Variants in KIAA1217 observed in about 807,000 individuals in gnomAD.
The protein encoded by KIAA1217 is sickle tail protein homolog.
Under a neutral mutation model 163.9 loss-of-function variants are expected in KIAA1217, and 88 were observed. The ratio of observed to expected loss-of-function variants is 0.54; its 90% CI spans 0.45 to 0.64. The LOEUF is 0.64. KIAA1217 is among the 30% of genes least tolerant of loss of function. The pLI, the probability that KIAA1217 is intolerant of heterozygous loss-of-function variation, is 0.00. For synonymous variants in KIAA1217, 903 were observed against 923.1 expected, an observed-to-expected ratio of 0.98 and a Z score of 0.39; for missense variants, 2,372 against 2,475.0, an observed-to-expected ratio of 0.96 and a Z score of 0.88.
At position 24,113,158 on chromosome 10, in the gene KIAA1217, G is replaced by A. The variant is rs995335339; in HGVS notation, c.-171+105784G>A. On this transcript the variant is annotated intron_variant, in intron 2 of 18. Coordinates refer to the KIAA1217 transcript ENST00000376462. ...GTAGCCAGGGATAACCCCTAGACCC[G>A]GACATACAGCTTGATCATATTCTAC... 2.6e-5 allele frequency among the ~76,000 whole-genome samples: 4 copies of A among 152,040 alleles called. 1 individual carries two copies. The highest frequency in any genetic ancestry group is 4.2e-4 in the South Asian group (2 of 4,816).
At chr10:23,763,912 T>TA (rs2130863292) in intron 1 of KIAA1217, among the ~76,000 whole-genome samples, 1 of 152,100 alleles carries the variant, frequency 6.6e-6, no homozygotes, top group African/African-American at 2.4e-5. Flanking sequence ...GAAAGTCATT[T>TA]AAAAAAGCCA....
At position 23,800,470 on chromosome 10, in the gene KIAA1217, C is replaced by T. The variant is rs149821019; in HGVS notation, c.-321+105236C>T. Among the ~76,000 whole-genome samples the T allele has an allele frequency of 6.6e-3, 1,002 of 152,204 alleles. 5 individuals are homozygous for T. Among genetic ancestry groups the T allele is most frequent in the African/African-American group, 0.023 (956 of 41,516 alleles). ...TCTCAGTGGTCACACCATTCATCTC[C>T]AAATGCCTGGGTTCTGTAAGATAAT... On this transcript the variant is annotated intron_variant, in intron 1 of 18. Coordinates refer to the KIAA1217 transcript ENST00000376462.
intron 1 of KIAA1217, among the ~76,000 whole-genome samples, chr10:23,796,585 A>G (rs1836218040): frequency 6.6e-6 from 1 of 151,526 alleles, no homozygotes; most frequent in South Asian, 2.1e-4. Context: ...ATGGTCTTAA[A>G]CTCCTGACTT....
chr10:24,078,848 A>G (rs902393510), intron 2 of KIAA1217, among the ~76,000 whole-genome samples: 1 of 152,144 alleles, frequency 6.6e-6, no homozygotes, highest in East Asian at 1.9e-4. Flanking sequence ...CCTGTGTCCT[A>G]TGGGCAATGC....
chr10:24,273,002 C>T (rs1475852175), intron 2 of KIAA1217, among the ~76,000 whole-genome samples: 1 of 152,160 alleles, frequency 6.6e-6, no homozygotes, highest in Non-Finnish European at 1.5e-5. Flanking sequence ...AAAGTCTGTG[C>T]CCTTCTGCGC....
chr10:23,802,783 G>T (rs1836533312), intron 1 of KIAA1217, among the ~76,000 whole-genome samples: 3 of 152,192 alleles, frequency 2.0e-5, no homozygotes, highest in Admixed American at 2.0e-4. Context: ...AACCTAAAGT[G>T]TTGGGACACT....
intron 3 of KIAA1217, among the ~76,000 whole-genome samples, chr10:24,388,207 A>T (rs1476019531): frequency 1.3e-5 from 2 of 152,224 alleles, no homozygotes; most frequent in Admixed American, 1.3e-4. Context: ...CAAAACAGAG[A>T]TACAGACCAA....
chr10:23,839,713 A>T (rs982211272), intron 1 of KIAA1217, among the ~76,000 whole-genome samples: 3 of 152,124 alleles, frequency 2.0e-5, no homozygotes, highest in Non-Finnish European at 4.4e-5. Flanking sequence ...GGTGCAAGAA[A>T]AACTATCGCC....
chr10:23,862,667 G>C (rs1416356014), intron 1 of KIAA1217, among the ~76,000 whole-genome samples: 1 of 151,958 alleles, frequency 6.6e-6, no homozygotes, highest in Non-Finnish European at 1.5e-5. Context: ...TAAATTACTG[G>C]AGAACAAAAT....
chr10:24,052,116 C>A (rs1162474148), intron 2 of KIAA1217, among the ~76,000 whole-genome samples: 2 of 152,106 alleles, frequency 1.3e-5, no homozygotes, highest in South Asian at 2.1e-4. Flanking sequence ...TTGCTACTTG[C>A]GTACTCCAAG....
At chr10:24,459,975 C>G (rs886974988) in intron 5 of KIAA1217, among the ~76,000 whole-genome samples, 5 of 152,082 alleles carry the variant, frequency 3.3e-5, no homozygotes, top group Non-Finnish European at 7.4e-5. Context: ...ATGTTAACAC[C>G]TGGACCAAAA....
chr10:24,487,781 C>CCCCAA (rs1310747457), intron 6 of KIAA1217, among the ~76,000 whole-genome samples: 1 of 152,152 alleles, frequency 6.6e-6, no homozygotes, highest in Non-Finnish European at 1.5e-5. Flanking sequence ...AGAAGGTTTC[C>CCCCAA]CCCAACTCTG....
chr10:24,469,220 G>C (rs1457483573), intron 5 of KIAA1217, among the ~76,000 whole-genome samples: 1 of 152,064 alleles, frequency 6.6e-6, no homozygotes, highest in African/African-American at 2.4e-5. Flanking sequence ...CCGCCTCCCA[G>C]GCTCAAGCAA....
intron 13 of KIAA1217, 54 bp downstream of exon 13, chr10:24,524,818 C>A (rs2071841788): frequency 1.4e-6 from 2 of 1,420,882 alleles, no homozygotes; most frequent in Admixed American, 2.2e-5. Context: ...GATACATGGA[C>A]CTTTCCCTTA....
chr10:23,946,419 ATCT>A, intron 1 of KIAA1217, among the ~76,000 whole-genome samples: 1 of 152,072 alleles, frequency 6.6e-6, no homozygotes, highest in Non-Finnish European at 1.5e-5. Context: ...AGGGGTTCAG[ATCT>A]GTGTAAGTGT....
chr10:24,314,322 T>C (rs972930187), intron 2 of KIAA1217, among the ~76,000 whole-genome samples: 4 of 152,162 alleles, frequency 2.6e-5, no homozygotes, highest in Non-Finnish European at 5.9e-5. Context: ...AATTTAAGCA[T>C]CTTGACAACA....
At chr10:24,203,028 A>G (rs4409731) in intron 2 of KIAA1217, among the ~76,000 whole-genome samples, 48,296 of 151,934 alleles carry the variant, frequency 0.32, 9,139 homozygotes, top group Middle Eastern at 0.43. Flanking sequence ...AATGTCTACA[A>G]AAAAATATAA....
intron 2 of KIAA1217, among the ~76,000 whole-genome samples, chr10:24,055,188 T>A (rs754054976): frequency 1.4e-4 from 22 of 152,082 alleles, no homozygotes; most frequent in Non-Finnish European, 2.8e-4. Flanking sequence ...GATTGCTTGA[T>A]CCCAGGAAGT....
At chr10:24,505,616 T>C (rs2068236970) in intron 9 of KIAA1217, among the ~76,000 whole-genome samples, 1 of 152,042 alleles carries the variant, frequency 6.6e-6, no homozygotes, top group Non-Finnish European at 1.5e-5. Flanking sequence ...GTACAGGTTC[T>C]GTGGAGGCCA....
Sources: allele counts gnomAD v4.1 joint callset (sites outside exome capture counted in the v4.1 genomes callset), GRCh38; gene constraint gnomAD v4.1.1; transcripts MANE v1.5; gene names NCBI Gene and HGNC (gene_info 2026-07-23, HGNC 2026-07-21).